MAD1L1: variants seen among roughly 807,000 people sequenced by gnomAD.
The protein encoded by MAD1L1 is mitotic arrest deficient 1 like 1.
A neutral mutation model predicts 96.9 loss-of-function variants in MAD1L1; 95 were observed. The observed-to-expected ratio is 0.98, with a 90% confidence interval of 0.83 to 1.16. The LOEUF (loss-of-function observed/expected upper bound fraction) is 1.16, where lower values mean the gene tolerates loss of function less well. MAD1L1 is among the 50% of genes most tolerant of loss of function. The pLI is 0.00. For synonymous variants in MAD1L1, 473 were observed against 396.6 expected (o/e 1.19, Z -2.29); for missense variants, 1,007 against 954.4 (o/e 1.06, Z -0.73).
intron 15 of MAD1L1, among the ~76,000 whole-genome samples, chr7:1,974,734 G>A (rs1562574969): frequency 6.6e-6 from 1 of 152,376 alleles, no homozygotes; most frequent in South Asian, 2.1e-4. Flanking sequence ...AGTGAACAGA[G>A]CCAGGAAAGC....
intron 12 of MAD1L1, among the ~76,000 whole-genome samples, chr7:2,058,723 A>ATG (rs1784493935): frequency 2.6e-5 from 2 of 77,920 alleles, no homozygotes; most frequent in Non-Finnish European, 5.1e-5. Flanking sequence ...GGAGAGGCGC[A>ATG]GGGCTGGAGA....
At chr7:1,878,908 A>C (rs2128662439) in intron 18 of MAD1L1, among the ~76,000 whole-genome samples, 1 of 152,324 alleles carries the variant, frequency 6.6e-6, no homozygotes, top group South Asian at 2.1e-4. Flanking sequence ...ACTTTCTAGA[A>C]CTAATAAGTA....
At chr7:1,830,699 C>G (rs192385917) in intron 18 of MAD1L1, among the ~76,000 whole-genome samples, 1 of 151,956 alleles carries the variant, frequency 6.6e-6, no homozygotes, top group African/African-American at 2.4e-5. Context: ...TCGTATCATT[C>G]GAGGATGACT....
intron 18 of MAD1L1, among the ~76,000 whole-genome samples, chr7:1,877,615 G>T (rs1785451234): frequency 6.6e-6 from 1 of 152,070 alleles, no homozygotes; most frequent in Non-Finnish European, 1.5e-5. Flanking sequence ...AAAAAAGCAA[G>T]ATTCAATTAG....
At chr7:1,884,611 G>A (rs1195541313) in intron 18 of MAD1L1, among the ~76,000 whole-genome samples, 1 of 152,234 alleles carries the variant, frequency 6.6e-6, no homozygotes, top group Admixed American at 6.5e-5. Flanking sequence ...ATGTCACCAG[G>A]TCTAAGAGAC....
intron 13 of MAD1L1, 95 bp downstream of exon 13, chr7:2,014,407 G>C: frequency 3.5e-6 from 5 of 1,449,266 alleles, no homozygotes; most frequent in Non-Finnish European, 4.6e-6. Context: ...GGGAGGCGGG[G>C]TCCAGACCTC....
chr7:1,878,650 A>G, intron 18 of MAD1L1, among the ~76,000 whole-genome samples: 1 of 152,218 alleles, frequency 6.6e-6, no homozygotes, highest in South Asian at 2.1e-4. Context: ...AATGGTATCT[A>G]TGAAAAACTC....
intron 12 of MAD1L1, among the ~76,000 whole-genome samples, chr7:2,034,703 G>A (rs548095316): frequency 3.7e-4 from 57 of 152,322 alleles, no homozygotes; most frequent in East Asian, 3.5e-3. Flanking sequence ...ACCTGCGCAC[G>A]TGGGTGTCCG....
intron 18 of MAD1L1, among the ~76,000 whole-genome samples, chr7:1,868,961 G>A (rs1384669794): frequency 6.6e-6 from 1 of 152,210 alleles, no homozygotes; most frequent in Non-Finnish European, 1.5e-5. Context: ...AGCTAGCCCG[G>A]CACAGCCCAA....
chr7:2,072,929 TGTGA>T (rs552133843), intron 11 of MAD1L1, among the ~76,000 whole-genome samples: 8 of 152,206 alleles, frequency 5.3e-5, no homozygotes, highest in Non-Finnish European at 1.0e-4. Context: ...GCAGAGCAGA[TGTGA>T]GTAACGCACA....
chr7:2,198,902 C>A (rs988473996), intron 10 of MAD1L1, among the ~76,000 whole-genome samples: 2 of 152,240 alleles, frequency 1.3e-5, no homozygotes, highest in Non-Finnish European at 2.9e-5. Flanking sequence ...AAAGCTCCAG[C>A]CACTCGGAGG....
intron 14 of MAD1L1, among the ~76,000 whole-genome samples, chr7:1,984,526 A>G (rs1171248086): frequency 2.0e-5 from 3 of 152,240 alleles, no homozygotes; most frequent in African/African-American, 4.8e-5. Flanking sequence ...TTCGCCTTGA[A>G]TCTTTCCTCA....
chr7:2,229,880 C>T, intron 3 of MAD1L1, 104 bp downstream of exon 3: 12 of 1,231,104 alleles, frequency 9.7e-6, no homozygotes, highest in Non-Finnish European at 1.4e-5. Flanking sequence ...TGTCTCTAGG[C>T]TCTGCTAATA....
intron 12 of MAD1L1, among the ~76,000 whole-genome samples, chr7:2,020,109 C>T (rs947808026): frequency 5.3e-5 from 8 of 152,222 alleles, no homozygotes; most frequent in African/African-American, 9.6e-5. Flanking sequence ...GCTCAGACCA[C>T]GGAGGGGCAG....
chr7:2,008,585 G>A (rs13227554), intron 13 of MAD1L1, among the ~76,000 whole-genome samples: 15 of 152,208 alleles, frequency 9.9e-5, no homozygotes, highest in Admixed American at 7.8e-4. Context: ...GGCCCGGGGT[G>A]GGGGCTGGGC....
intron 17 of MAD1L1, among the ~76,000 whole-genome samples, chr7:1,933,364 C>A (rs1789591373): frequency 6.6e-6 from 1 of 152,178 alleles, no homozygotes; most frequent in Non-Finnish European, 1.5e-5. Flanking sequence ...GGTCTTTCCA[C>A]CATAGCCTAC....
At chr7:2,038,303 A>G (rs1783527492) in intron 12 of MAD1L1, among the ~76,000 whole-genome samples, 1 of 152,140 alleles carries the variant, frequency 6.6e-6, no homozygotes, top group South Asian at 2.1e-4. Flanking sequence ...AAGCTGCAGC[A>G]AGTTCTCCAG....
chr7:1,888,561 C>T (rs897782708), intron 18 of MAD1L1, among the ~76,000 whole-genome samples: 1 of 147,950 alleles, frequency 6.8e-6, no homozygotes, highest in African/African-American at 2.5e-5. Flanking sequence ...AGCATGCATG[C>T]ATGTGGCTGT....
chr7:2,092,373 C>T (rs1339673955), intron 11 of MAD1L1, among the ~76,000 whole-genome samples: 1 of 152,198 alleles, frequency 6.6e-6, no homozygotes, highest in Non-Finnish European at 1.5e-5. Context: ...ATCCTCCCAC[C>T]TCAGCCTCCT....
Sources: allele counts gnomAD v4.1 joint callset (sites outside exome capture counted in the v4.1 genomes callset), GRCh38; gene constraint gnomAD v4.1.1; transcripts MANE v1.5; gene names NCBI Gene and HGNC (gene_info 2026-07-23, HGNC 2026-07-21).